RBFOX3: variants seen among roughly 807,000 people sequenced by gnomAD.
RBFOX3 encodes the protein RNA binding protein fox-1 homolog 3.
In RBFOX3, 17 loss-of-function variants were observed where a neutral mutation model predicts 48.7. That is an observed-to-expected ratio of 0.35 (90% CI 0.24 to 0.52). The LOEUF is 0.52. RBFOX3 is among the 20% of genes least tolerant of loss of function. The probability of loss-of-function intolerance (pLI) is 0.94; values close to 1 mark genes in which losing one functional copy is unlikely to be tolerated. For missense variants in RBFOX3, 382 were observed against 497.5 expected, an observed-to-expected ratio of 0.77 and a Z score of 2.21; for synonymous variants, 212 against 209.5, an observed-to-expected ratio of 1.01 and a Z score of -0.10.
chr17:79,165,538 C>G (rs1414027593), intron 4 of RBFOX3, among the ~76,000 whole-genome samples: 1 of 152,184 alleles, frequency 6.6e-6, no homozygotes, highest in East Asian at 1.9e-4. Flanking sequence ...CCGATTCCTC[C>G]ATGCCAGCCA....
intron 3 of RBFOX3, among the ~76,000 whole-genome samples, chr17:79,300,254 G>A (rs1222337563): frequency 6.6e-6 from 1 of 152,116 alleles, no homozygotes; most frequent in Non-Finnish European, 1.5e-5. Context: ...CACGAGAGAA[G>A]AAATTTCCAT....
intron 3 of RBFOX3, among the ~76,000 whole-genome samples, chr17:79,306,551 TCTGAGC>T (rs1454521480): frequency 6.6e-6 from 1 of 152,174 alleles, no homozygotes; most frequent in African/African-American, 2.4e-5. Context: ...TGCCGCAGCC[TCTGAGC>T]CTGGGAGAGG....
At chr17:79,170,013 G>A (rs1030413215) in intron 4 of RBFOX3, among the ~76,000 whole-genome samples, 1 of 150,914 alleles carries the variant, frequency 6.6e-6, no homozygotes, top group Non-Finnish European at 1.5e-5. Context: ...AGGAAAGAAG[G>A]AGGGAAGGGC....
intron 3 of RBFOX3, among the ~76,000 whole-genome samples, chr17:79,301,276 C>T (rs1416215741): frequency 1.3e-5 from 2 of 152,216 alleles, no homozygotes; most frequent in African/African-American, 2.4e-5. Context: ...AGGTCCAGCC[C>T]TCTGGGGCTG....
At chr17:79,571,552 G>A (rs903814215) in intron 1 of RBFOX3, among the ~76,000 whole-genome samples, 2 of 131,002 alleles carry the variant, frequency 1.5e-5, no homozygotes, top group South Asian at 4.6e-4. Context: ...TTCCATCACA[G>A]AAATTCAGAT....
At chr17:79,458,958 C>T (rs909398943) in intron 2 of RBFOX3, among the ~76,000 whole-genome samples, 1 of 152,238 alleles carries the variant, frequency 6.6e-6, no homozygotes, top group Non-Finnish European at 1.5e-5. Context: ...AGCTGGGGCA[C>T]CTGCCTGTGC....
At chr17:79,247,996 C>A (rs1258154913) in intron 3 of RBFOX3, among the ~76,000 whole-genome samples, 2 of 149,170 alleles carry the variant, frequency 1.3e-5, no homozygotes, top group Admixed American at 6.8e-5. Flanking sequence ...CAGTGCCTGG[C>A]CCACAATGGG....
At chr17:79,282,264 C>T (rs2070738541) in intron 3 of RBFOX3, among the ~76,000 whole-genome samples, 1 of 152,146 alleles carries the variant, frequency 6.6e-6, no homozygotes, top group African/African-American at 2.4e-5. Context: ...GCCACGAAAG[C>T]AGGGGTAACG....
rs2058533519 is a variant in RBFOX3 at position 79,212,642 on chromosome 17, T to C, written c.-34+23124A>G. On this transcript the variant is annotated intron_variant, in intron 4 of 14. Transcript: ENST00000693108. This position sits in a 1 kb window ranked among gnomAD's most constrained non-coding sequence, Gnocchi z 4.7. Reference sequence around the variant, plus strand: ...CCAGCCCTGGAGGGCCTCCCCGTAATTGCAGGCCTTACTCTCTCTGCTCCT... The same window carrying C: ...CCAGCCCTGGAGGGCCTCCCCGTAACTGCAGGCCTTACTCTCTCTGCTCCT... 6.6e-6 allele frequency among the ~76,000 whole-genome samples: 1 copy of C among 152,218 alleles called. No homozygotes were observed. The highest frequency in any genetic ancestry group is 2.4e-5 in the African/African-American group (1 of 41,460).
intron 4 of RBFOX3, among the ~76,000 whole-genome samples, chr17:79,175,987 CTGGGGACCAAT>C (rs2050453212): frequency 6.6e-6 from 1 of 152,218 alleles, no homozygotes; most frequent in African/African-American, 2.4e-5. Context: ...GCTTGTCACC[CTGGGGACCAAT>C]TTCTGTGACT....
At chr17:79,451,868 T>G (rs1322341190) in intron 2 of RBFOX3, among the ~76,000 whole-genome samples, 1 of 152,254 alleles carries the variant, frequency 6.6e-6, no homozygotes, top group Non-Finnish European at 1.5e-5. Context: ...GGATCATACG[T>G]GCTTCACGTC....
At chr17:79,533,151 A>T (rs559602726) in intron 1 of RBFOX3, among the ~76,000 whole-genome samples, 68 of 152,350 alleles carry the variant, frequency 4.5e-4, no homozygotes, top group African/African-American at 1.6e-3. Flanking sequence ...AGTTCCTAAG[A>T]ACCAGCTGGT....
At chr17:79,183,559 C>A (rs909763865) in intron 4 of RBFOX3, 1 of 152,130 alleles carries the variant, frequency 6.6e-6, no homozygotes, top group Non-Finnish European at 1.5e-5. Flanking sequence ...GGTGTTCCCC[C>A]TGCCCGGGCG....
intron 2 of RBFOX3, among the ~76,000 whole-genome samples, chr17:79,360,182 T>C (rs1224608802): frequency 1.3e-5 from 2 of 152,194 alleles, no homozygotes; most frequent in East Asian, 3.8e-4. Flanking sequence ...TTCATGGTAC[T>C]GGAGGTTTTT....
chr17:79,280,140 C>T (rs1196933301), intron 3 of RBFOX3, among the ~76,000 whole-genome samples: 1 of 142,252 alleles, frequency 7.0e-6, no homozygotes, highest in Non-Finnish European at 1.5e-5. Flanking sequence ...ACATGTCACA[C>T]ACATGTGCGT....
In RBFOX3 at chr17:79,096,723, A is replaced by G; in HGVS notation, c.866T>C (p.Phe289Ser). The G allele has an allele frequency of 1.3e-6, 2 of 1,550,396 alleles. No homozygotes were observed. The highest frequency in any genetic ancestry group is 1.7e-6 in the Non-Finnish European group (2 of 1,146,048). The change falls in exon 12 of 15, where the codon TTC (phenylalanine) becomes TCC (serine). Residue 289 changes from phenylalanine to serine, a missense_variant. Phe to Ser is a radical substitution (Grantham distance 155, BLOSUM62 -2). Around this residue, in one of 3 missense-constraint regions of RBFOX3, gnomAD observed 215 missense variants for 254.8 expected, o/e 0.84. Transcript: ENST00000693108. ...PEPAYPTSPA[F>S]PPLSCPFASR... ...AGCAAACGGACAAGAAAGTGGTGGG[A>G]ACGCTGGAGAGGTGGGGTAGGCCGG... is the stretch of plus-strand genomic sequence containing the variant.
chr17:79,315,883 G>A (rs749009786), intron 2 of RBFOX3, among the ~76,000 whole-genome samples: 2 of 152,146 alleles, frequency 1.3e-5, no homozygotes, highest in Admixed American at 6.5e-5. Context: ...GAGGCCTCCC[G>A]AGCTAACCCT....
At chr17:79,468,934 G>A (rs1354648044) in intron 2 of RBFOX3, among the ~76,000 whole-genome samples, 5 of 122,460 alleles carry the variant, frequency 4.1e-5, no homozygotes, top group Admixed American at 9.0e-5. Context: ...AGATAGAGAC[G>A]GGAGGATGGA....
At chr17:79,310,921 G>A (rs1020312770) in intron 2 of RBFOX3, among the ~76,000 whole-genome samples, 51 of 152,202 alleles carry the variant, frequency 3.4e-4, no homozygotes, top group African/African-American at 1.2e-3. Context: ...CCAGGCTCTC[G>A]TCCCCTGGGA....
Sources: gnomAD v4.1 joint callset for allele counts (sites outside exome capture counted in the v4.1 genomes callset) on GRCh38, gnomAD v4.1.1 for gene constraint, gnomAD v4.1.1 regional missense constraint, Gnocchi (gnomAD v3.1) non-coding constraint, MANE v1.5 for transcripts, NCBI Gene and HGNC (gene_info 2026-07-23, HGNC 2026-07-21) for gene names.